The following SLC26A5 variants were observed in gnomAD, a reference collection of about 807,000 sequenced individuals.
The protein encoded by SLC26A5 is prestin.
A neutral mutation model predicts 81.0 loss-of-function variants in SLC26A5; 51 were observed. That is an observed-to-expected ratio of 0.63 (90% CI 0.50 to 0.80). The LOEUF (loss-of-function observed/expected upper bound fraction) is 0.80, where lower values mean the gene tolerates loss of function less well. SLC26A5 is among the 30% of genes least tolerant of loss of function. SLC26A5 has a pLI of 0.00. For missense variants in SLC26A5, 771 were observed against 905.8 expected (o/e 0.85, Z 1.91); for synonymous variants, 325 against 332.8 (o/e 0.98, Z 0.25).
At chr7:103,420,709 AG>A (rs1301309624) in intron 4 of SLC26A5, 28 bp downstream of exon 4, 1 of 1,613,422 alleles carries the variant, frequency 6.2e-7, no homozygotes, top group African/African-American at 1.3e-5. Flanking sequence ...GAGGACAGCA[AG>A]GGGGGAAAGA....
At chr7:103,440,176 T>C (rs144791632) in intron 2 of SLC26A5, among the ~76,000 whole-genome samples, 1 of 152,246 alleles carries the variant, frequency 6.6e-6, no homozygotes, top group Non-Finnish European at 1.5e-5. Flanking sequence ...CATTAGATAT[T>C]TGTTGGATAA....
In SLC26A5 at chr7:103,382,730, C is replaced by T. The variant is rs149011279; in HGVS notation, c.1515-2181G>A. Among the ~76,000 whole-genome samples the T allele has an allele frequency of 4.9e-3, 739 of 152,244 alleles. 2 individuals carry two copies. Among genetic ancestry groups the T allele is most frequent in the Admixed American group, 0.01 (154 of 15,292 alleles). On this transcript the variant is annotated intron_variant, in intron 14 of 19. Coordinates refer to ENST00000306312, the MANE Select transcript of SLC26A5 (RefSeq NM_198999.3). ...ATAATGACAGATACTACTTCTTGAA[C>T]ACCTGTTATTATATCCTTTGAACAA...
intron 2 of SLC26A5, among the ~76,000 whole-genome samples, chr7:103,426,971 A>G (rs1044863486): frequency 1.3e-5 from 2 of 152,198 alleles, no homozygotes; most frequent in African/African-American, 2.4e-5. Flanking sequence ...CAAACACAAA[A>G]TACTAATGAC....
rs371795248 is a variant in SLC26A5 at position 103,410,457 on chromosome 7, G to C, written c.663C>G (p.Val221=). Residue 221 remains valine, a synonymous_variant, in exon 7 of 20, where the codon GTC becomes GTG. Transcript: ENST00000306312. ...RGFTTAAAVH[V]FTSMLKYLFG... ...ACAGATATTTTAACATGGAGGTGAA[G>C]ACATGCACAGCTGCTGCGGTGGTAA... The C allele has an allele frequency of 6.2e-7, 1 of 1,613,978 alleles. No individual in the cohort carries two copies. The highest frequency in any genetic ancestry group is 1.7e-5 in the Admixed American group (1 of 60,020).
At chr7:103,427,075 A>ATT (rs757919944) in intron 2 of SLC26A5, among the ~76,000 whole-genome samples, 3 of 142,416 alleles carry the variant, frequency 2.1e-5, no homozygotes, top group African/African-American at 2.6e-5. Flanking sequence ...TTCATCATAG[A>ATT]TTTTTTTTTT....
rs779440084 is a variant in SLC26A5 at position 103,367,369 on chromosome 7, CTT to C, written c.2041+9437_2041+9438del. 6.3e-6 allele frequency: 10 copies of C among 1,596,904 alleles called. No homozygotes were observed. Among genetic ancestry groups the C allele is most frequent in the South Asian group, 5.5e-5 (5 of 90,388 alleles). ...CTTTCAGGTCATGCATAGTGCTACT[CTT>C]GAGTGGACTTGAAGAGCTTATCTTT... On this transcript the variant is annotated intron_variant, in intron 19 of 19. Transcript: ENST00000339444. This position sits in a 1 kb window ranked among gnomAD's most constrained non-coding sequence, Gnocchi z 6.1.
intron 19 of SLC26A5, chr7:103,354,110 G>T (rs1252794656): frequency 8.0e-6 from 5 of 628,694 alleles, no homozygotes; most frequent in Non-Finnish European, 1.3e-5. Flanking sequence ...AATTAGAAAA[G>T]AATGTCTGGC....
rs1820182985 is a variant in SLC26A5 at position 103,358,692 on chromosome 7, TATA to T, written c.2042-5769_2042-5767del. 2.0e-5 allele frequency among the ~76,000 whole-genome samples: 3 copies of T among 152,256 alleles called. No individual in the cohort carries two copies. The South Asian group carries it at 6.2e-4, about 32-fold the overall frequency. On this transcript the variant is annotated intron_variant, in intron 19 of 19. Coordinates refer to the SLC26A5 transcript ENST00000339444. Reference sequence around the variant, plus strand: ...GTGTGTGTGTTGAATGTTCTGCTCTTATATCATGGTTGTAATATGTTCTTATCT... The same window carrying T: ...GTGTGTGTGTTGAATGTTCTGCTCTTTCATGGTTGTAATATGTTCTTATCT...
In SLC26A5 at chr7:103,400,033, G is replaced by A. The variant is rs928858787; in HGVS notation, c.889-2019C>T. 7.2e-5 allele frequency among the ~76,000 whole-genome samples: 11 copies of A among 151,840 alleles called. 1 individual carries two copies. Among genetic ancestry groups the A allele is most frequent in the Non-Finnish European group, 1.5e-4 (10 of 67,882 alleles). On this transcript the variant is annotated intron_variant, in intron 8 of 19. Coordinates refer to ENST00000306312, the MANE Select transcript of SLC26A5 (RefSeq NM_198999.3). Reference sequence around the variant, plus strand: ...GTGAATAGTGCTGCAATAAACACATGTGTGGATGTGTCTTTATAGTGGCAT... The same window carrying A: ...GTGAATAGTGCTGCAATAAACACATATGTGGATGTGTCTTTATAGTGGCAT...
chr7:103,415,797 G>T (rs1824858453), intron 4 of SLC26A5, among the ~76,000 whole-genome samples: 1 of 151,890 alleles, frequency 6.6e-6, no homozygotes, highest in Admixed American at 6.6e-5. Flanking sequence ...CATTTATTCT[G>T]CTGGGTATTT....
At chr7:103,359,295 G>A (rs1490610123) in intron 19 of SLC26A5, among the ~76,000 whole-genome samples, 2 of 151,768 alleles carry the variant, frequency 1.3e-5, no homozygotes, top group East Asian at 3.9e-4. Context: ...ACCGTGCCCA[G>A]CCAGCTTATG....
chr7:103,358,037 C>T (rs148547404), intron 19 of SLC26A5, among the ~76,000 whole-genome samples: 1 of 152,324 alleles, frequency 6.6e-6, no homozygotes, highest in East Asian at 1.9e-4. Flanking sequence ...CCCTTTACCT[C>T]TCTCCTGTTG....
At chr7:103,396,128 G>C (rs1484228770) in intron 9 of SLC26A5, among the ~76,000 whole-genome samples, 1 of 152,170 alleles carries the variant, frequency 6.6e-6, no homozygotes. Flanking sequence ...GGCAGGCTAG[G>C]ATTTAGGTTG....
intron 19 of SLC26A5, among the ~76,000 whole-genome samples, chr7:103,357,824 T>G (rs759445883): frequency 1.3e-5 from 2 of 152,220 alleles, no homozygotes; most frequent in Non-Finnish European, 2.9e-5. Flanking sequence ...CCTCCCACTT[T>G]CTCTTGATTG....
At chr7:103,422,113 A>G (rs1825397870) in intron 2 of SLC26A5, among the ~76,000 whole-genome samples, 1 of 152,204 alleles carries the variant, frequency 6.6e-6, no homozygotes, top group Admixed American at 6.5e-5. Flanking sequence ...ACACTATTCT[A>G]ATATTGTTTT....
At chr7:103,372,217 G>T (rs1482989010), downstream of SLC26A5, among the ~76,000 whole-genome samples, 1 of 152,162 alleles carries the variant, frequency 6.6e-6, no homozygotes, top group African/African-American at 2.4e-5. Flanking sequence ...TTAAAGTTTT[G>T]ATTAAAAGGA....
chr7:103,440,973 C>T (rs190056974), intron 2 of SLC26A5, among the ~76,000 whole-genome samples: 1 of 152,156 alleles, frequency 6.6e-6, no homozygotes, highest in Non-Finnish European at 1.5e-5. Context: ...ACTGCATGCA[C>T]TGTGTATGGA....
At chr7:103,393,480 G>C (rs1822839480) in intron 9 of SLC26A5, among the ~76,000 whole-genome samples, 1 of 152,068 alleles carries the variant, frequency 6.6e-6, no homozygotes, top group Non-Finnish European at 1.5e-5. Context: ...CTACCTTAGA[G>C]GAGAATTAAT....
chr7:103,365,979 T>G (rs1190868522), intron 19 of SLC26A5: 11 of 959,536 alleles, frequency 1.1e-5, no homozygotes, highest in Non-Finnish European at 1.7e-5. Context: ...GAGAATACTG[T>G]TAGGAATAAA....
Sources: gnomAD v4.1 joint callset for allele counts (sites outside exome capture counted in the v4.1 genomes callset) on GRCh38, gnomAD v4.1.1 for gene constraint, Gnocchi (gnomAD v3.1) non-coding constraint, MANE v1.5 for transcripts, NCBI Gene and HGNC (gene_info 2026-07-23, HGNC 2026-07-21) for gene names.